STPG2: variants seen among roughly 807,000 people sequenced by gnomAD.
The protein encoded by STPG2 is sperm-tail PG-rich repeat-containing protein 2.
Under a neutral mutation model 54.2 loss-of-function variants are expected in STPG2, and 56 were observed. That is an observed-to-expected ratio of 1.03 (90% CI 0.83 to 1.29). The LOEUF (loss-of-function observed/expected upper bound fraction) is 1.29. STPG2 is among the 50% of genes most tolerant of loss of function. STPG2 has a pLI of 0.00. For synonymous variants in STPG2, 200 were observed against 181.8 expected, an observed-to-expected ratio of 1.10 and a Z score of -0.81; for missense variants, 596 against 544.9, an observed-to-expected ratio of 1.09 and a Z score of -0.93.
At chr4:98,025,638 A>C (rs1211316162) in intron 5 of STPG2, 1 of 853,288 alleles carries the variant, frequency 1.2e-6, no homozygotes, top group African/African-American at 1.7e-5. Context: ...GAACTGCCAA[A>C]ATATGGTATG....
chr4:97,833,874 A>AT (rs1369908935), intron 9 of STPG2, among the ~76,000 whole-genome samples: 1 of 152,180 alleles, frequency 6.6e-6, no homozygotes, highest in African/African-American at 2.4e-5. Context: ...GATGTTGGAG[A>AT]GGATGTGGAG....
At chr4:97,916,458 G>C (rs1578687457) in intron 8 of STPG2, 1 of 152,684 alleles carries the variant, frequency 6.5e-6, no homozygotes, top group African/African-American at 2.4e-5. Flanking sequence ...ATGGTTGGAT[G>C]CGCCCTTGTT....
intron 8 of STPG2, among the ~76,000 whole-genome samples, chr4:97,913,442 C>A (rs1277898220): frequency 6.6e-6 from 1 of 152,104 alleles, no homozygotes; most frequent in African/African-American, 2.4e-5. Flanking sequence ...ATCAGAGAGA[C>A]AAGTATGAAT....
intron 9 of STPG2, among the ~76,000 whole-genome samples, chr4:97,822,812 C>T (rs1728129745): frequency 6.6e-6 from 1 of 152,156 alleles, no homozygotes; most frequent in African/African-American, 2.4e-5. Context: ...CGGCTCTACC[C>T]CCATGACCCA....
At chr4:98,035,558 A>T (rs1460029444) in intron 5 of STPG2, among the ~76,000 whole-genome samples, 1 of 152,168 alleles carries the variant, frequency 6.6e-6, no homozygotes, top group African/African-American at 2.4e-5. Flanking sequence ...AGGATCTAGA[A>T]CTAGAAATAC....
At chr4:97,991,311 CATAT>C (rs910911556) in intron 5 of STPG2, among the ~76,000 whole-genome samples, 1 of 150,944 alleles carries the variant, frequency 6.6e-6, no homozygotes, top group African/African-American at 2.4e-5. Context: ...CACACACACA[CATAT>C]ATATACACAC....
At chr4:97,497,430 C>G (rs767799569) in intron 4 of STPG2, among the ~76,000 whole-genome samples, 1 of 151,756 alleles carries the variant, frequency 6.6e-6, no homozygotes, top group Non-Finnish European at 1.5e-5. Context: ...AAAGGCAATA[C>G]TTTTCTCCCC....
At chr4:98,101,013 A>G (rs1296980606) in intron 5 of STPG2, among the ~76,000 whole-genome samples, 1 of 151,838 alleles carries the variant, frequency 6.6e-6, no homozygotes, top group Non-Finnish European at 1.5e-5. Context: ...GAGGTACTCC[A>G]AAGTGTTATT....
At chr4:98,009,994 A>G (rs1422242660) in intron 5 of STPG2, among the ~76,000 whole-genome samples, 1 of 151,544 alleles carries the variant, frequency 6.6e-6, no homozygotes, top group Non-Finnish European at 1.5e-5. Context: ...GTCTCCTATC[A>G]TTTTTTCTTA....
intron 8 of STPG2, among the ~76,000 whole-genome samples, chr4:97,904,686 G>C (rs1341602857): frequency 1.3e-5 from 2 of 152,100 alleles, no homozygotes; most frequent in Non-Finnish European, 2.9e-5. Flanking sequence ...TCAAACCAAA[G>C]GCAAAGAAGT....
Position 97,868,451 on chromosome 4 carries a change from G to A in STPG2, c.1045-27519C>T, listed in dbSNP as rs190269513. Among the ~76,000 whole-genome samples the A allele has an allele frequency of 9.4e-4, 143 of 151,830 alleles. 1 individual carries two copies. Among genetic ancestry groups the A allele is most frequent in the South Asian group, 8.5e-3 (41 of 4,818 alleles). On this transcript the variant is annotated intron_variant, in intron 8 of 10. Coordinates refer to ENST00000295268, the MANE Select transcript of STPG2 (RefSeq NM_174952.3). ...TTTTTATATTAATTTCTTAGCATAC[G>A]GATTCCCAGACATTAGAGGTAGCAT...
intron 10 of STPG2, among the ~76,000 whole-genome samples, chr4:97,638,093 A>G (rs1025603736): frequency 6.6e-6 from 1 of 152,184 alleles, no homozygotes; most frequent in Non-Finnish European, 1.5e-5. Context: ...ACTTCAAACT[A>G]TACTACAAGG....
chr4:98,051,744 CAGA>C (rs1341669991), intron 5 of STPG2, among the ~76,000 whole-genome samples: 1 of 151,740 alleles, frequency 6.6e-6, no homozygotes, highest in East Asian at 1.9e-4. Flanking sequence ...TATTGTCAAG[CAGA>C]AGAAGAGAGG....
intron 10 of STPG2, among the ~76,000 whole-genome samples, chr4:97,653,073 GTAGA>G (rs1722115994): frequency 1.3e-5 from 2 of 150,568 alleles, no homozygotes; most frequent in Non-Finnish European, 3.0e-5. Context: ...AAGTGATTAG[GTAGA>G]TAGATGATTG....
At chr4:97,991,476 T>C (rs1314511295) in intron 5 of STPG2, among the ~76,000 whole-genome samples, 2 of 151,082 alleles carry the variant, frequency 1.3e-5, no homozygotes, top group Non-Finnish European at 3.0e-5. Flanking sequence ...TATATATGTA[T>C]ATATACCACA....
intron 7 of STPG2, among the ~76,000 whole-genome samples, chr4:97,949,150 TATC>T (rs1733365788): frequency 6.6e-6 from 1 of 152,166 alleles, no homozygotes; most frequent in South Asian, 2.1e-4. Context: ...TTGATCCTTT[TATC>T]ATCATATAAT....
intron 7 of STPG2, among the ~76,000 whole-genome samples, chr4:97,946,784 G>A (rs1171143933): frequency 6.6e-6 from 1 of 152,016 alleles, no homozygotes; most frequent in Non-Finnish European, 1.5e-5. Context: ...TGTGTATTTT[G>A]GTAACTACAG....
intron 5 of STPG2, among the ~76,000 whole-genome samples, chr4:98,045,430 G>A (rs1348472888): frequency 6.6e-6 from 1 of 152,028 alleles, no homozygotes; most frequent in Non-Finnish European, 1.5e-5. Flanking sequence ...TGAGGCCTGT[G>A]GAAATAAACT....
chr4:97,878,932 C>CCCT (rs1202873186), intron 8 of STPG2, among the ~76,000 whole-genome samples: 3 of 151,814 alleles, frequency 2.0e-5, no homozygotes, highest in African/African-American at 7.3e-5. Context: ...CCAAAGTCAC[C>CCCT]CCTTGAATGC....
Sources: gnomAD v4.1 joint callset for allele counts (sites outside exome capture counted in the v4.1 genomes callset) on GRCh38, gnomAD v4.1.1 for gene constraint, MANE v1.5 for transcripts, NCBI Gene and HGNC (gene_info 2026-07-23, HGNC 2026-07-21) for gene names.